Variants in GLIS3 observed in about 807,000 individuals in gnomAD.
GLIS3 encodes the protein GLIS family zinc finger 3.
A neutral mutation model predicts 78.6 loss-of-function variants in GLIS3; 53 were observed. The ratio of observed to expected loss-of-function variants is 0.67; its 90% confidence interval spans 0.54 to 0.85. GLIS3 has a LOEUF of 0.85. GLIS3 is among the 40% of genes least tolerant of loss of function. The pLI, the probability that GLIS3 is intolerant of heterozygous loss-of-function variation, is 0.00. For missense variants in GLIS3, 1,703 were observed against 1,231.1 expected, an observed-to-expected ratio of 1.38 and a Z score of -5.74; for synonymous variants, 684 against 509.9, an observed-to-expected ratio of 1.34 and a Z score of -4.60.
intron 7 of GLIS3, among the ~76,000 whole-genome samples, chr9:3,883,498 C>T (rs895009741): frequency 2.0e-5 from 3 of 152,168 alleles, no homozygotes; most frequent in Non-Finnish European, 2.9e-5. Context: ...TAATGTCATT[C>T]GCAAAAGGAA....
chr9:4,176,829 G>T (rs1322693867), intron 2 of GLIS3, among the ~76,000 whole-genome samples: 2 of 152,210 alleles, frequency 1.3e-5, no homozygotes, highest in African/African-American at 4.8e-5. Flanking sequence ...TCACCACATT[G>T]GCCAGGCTGG....
At chr9:4,020,202 G>T (rs534777709) in intron 4 of GLIS3, among the ~76,000 whole-genome samples, 18 of 152,296 alleles carry the variant, frequency 1.2e-4, no homozygotes, top group Middle Eastern at 3.4e-3. Context: ...CTAAGTCAGG[G>T]GCATTCCTCC....
intron 6 of GLIS3, among the ~76,000 whole-genome samples, chr9:3,930,690 T>C (rs543167829): frequency 7.9e-4 from 120 of 152,332 alleles, no homozygotes; most frequent in African/African-American, 2.7e-3. Flanking sequence ...TACTCTTTCA[T>C]GTCCATGACA....
intron 2 of GLIS3, among the ~76,000 whole-genome samples, chr9:4,161,196 C>T (rs1453412300): frequency 6.6e-6 from 1 of 151,970 alleles, no homozygotes; most frequent in Admixed American, 6.6e-5. Flanking sequence ...TTGCTTAAGC[C>T]CAGGAGACCA....
intron 4 of GLIS3, among the ~76,000 whole-genome samples, chr9:4,093,459 G>A (rs761061895): frequency 2.0e-5 from 3 of 152,162 alleles, no homozygotes; most frequent in Non-Finnish European, 2.9e-5. Flanking sequence ...GGGTTGGCAG[G>A]GGCTATTCAG....
At chr9:4,347,444 G>T (rs1817910398) in intron 1 of GLIS3, among the ~76,000 whole-genome samples, 5 of 152,088 alleles carry the variant, frequency 3.3e-5, no homozygotes, top group Admixed American at 2.6e-4. Context: ...AATCTTTAAA[G>T]TATCTGGATC....
chr9:3,912,463 A>T (rs1283753010), intron 6 of GLIS3, among the ~76,000 whole-genome samples: 1 of 152,194 alleles, frequency 6.6e-6, no homozygotes, highest in Non-Finnish European at 1.5e-5. Context: ...CGGGAATGTT[A>T]ATACTTCATT....
intron 4 of GLIS3, among the ~76,000 whole-genome samples, chr9:3,954,200 T>G (rs1223657614): frequency 6.6e-6 from 1 of 152,234 alleles, no homozygotes; most frequent in South Asian, 2.1e-4. Flanking sequence ...AAAATTACCT[T>G]TCTTTTTGCA....
intron 4 of GLIS3, among the ~76,000 whole-genome samples, chr9:4,065,002 G>T (rs1187544084): frequency 6.6e-6 from 1 of 152,052 alleles, no homozygotes; most frequent in South Asian, 2.1e-4. Context: ...ATTAAAGCTG[G>T]CACTGTTACT....
intron 2 of GLIS3, among the ~76,000 whole-genome samples, chr9:4,176,029 C>T (rs1323346611): frequency 6.6e-6 from 1 of 152,190 alleles, no homozygotes; most frequent in Non-Finnish European, 1.5e-5. Flanking sequence ...ACCCTGCACA[C>T]AGAGAACTGC....
At chr9:3,889,056 A>G (rs1431355151) in intron 7 of GLIS3, among the ~76,000 whole-genome samples, 1 of 152,208 alleles carries the variant, frequency 6.6e-6, no homozygotes, top group Non-Finnish European at 1.5e-5. Flanking sequence ...TTTCGAAAAC[A>G]TAACCCTTGA....
chr9:3,911,809 A>G (rs899731258), intron 6 of GLIS3, among the ~76,000 whole-genome samples: 1 of 152,214 alleles, frequency 6.6e-6, no homozygotes, highest in African/African-American at 2.4e-5. Flanking sequence ...TATATAATCA[A>G]TGTTAAACAC....
chr9:4,189,304 G>A (rs892140814), intron 2 of GLIS3, among the ~76,000 whole-genome samples: 2 of 152,108 alleles, frequency 1.3e-5, no homozygotes, highest in African/African-American at 2.4e-5. Flanking sequence ...GTAGCTGAGC[G>A]GTTTTGAGTG....
At chr9:4,414,102 C>A in the GLIS3 span, among the ~76,000 whole-genome samples, 1 of 151,938 alleles carries the variant, frequency 6.6e-6, no homozygotes, top group Non-Finnish European at 1.5e-5. Context: ...GTGAAGCTGG[C>A]AAAATCAAGA....
At chr9:4,402,176 C>G in the GLIS3 span, among the ~76,000 whole-genome samples, 1 of 152,202 alleles carries the variant, frequency 6.6e-6, no homozygotes, top group African/African-American at 2.4e-5. Flanking sequence ...TCACCACACT[C>G]CCAATTCCAG....
the GLIS3 span, among the ~76,000 whole-genome samples, chr9:4,359,837 A>G: frequency 6.6e-6 from 1 of 152,142 alleles, no homozygotes; most frequent in Non-Finnish European, 1.5e-5. Context: ...CTTGATGTTA[A>G]ATAAAAGCGG....
At chr9:3,926,302 C>G (rs1285609831) in intron 6 of GLIS3, among the ~76,000 whole-genome samples, 1 of 147,438 alleles carries the variant, frequency 6.8e-6, no homozygotes, top group African/African-American at 2.5e-5. Flanking sequence ...GCAATCTCTG[C>G]TCACTGCAAG....
intron 6 of GLIS3, among the ~76,000 whole-genome samples, chr9:3,903,057 T>G (rs1466286461): frequency 6.6e-6 from 1 of 152,230 alleles, no homozygotes; most frequent in African/African-American, 2.4e-5. Flanking sequence ...GTTTTGTAGC[T>G]TGTTGTCATC....
chr9:4,257,562 TATA>T (rs1240913660), intron 2 of GLIS3, among the ~76,000 whole-genome samples: 11 of 99,228 alleles, frequency 1.1e-4, no homozygotes, highest in African/African-American at 3.6e-4. Context: ...AATTAACATG[TATA>T]TGTTGTTGTT....
Sources: allele counts gnomAD v4.1 joint callset (sites outside exome capture counted in the v4.1 genomes callset), GRCh38; gene constraint gnomAD v4.1.1; transcripts MANE v1.5; gene names NCBI Gene and HGNC (gene_info 2026-07-23, HGNC 2026-07-21).